The following IL1RAPL1 variants were observed in gnomAD, a reference collection of about 807,000 sequenced individuals.
IL1RAPL1 encodes interleukin 1 receptor accessory protein like 1, also known as interleukin-1 receptor accessory protein-like 1.
IL1RAPL1 carries 3 observed loss-of-function variants against 48.4 expected under a neutral mutation model. That is an observed-to-expected ratio of 0.06 (90% CI 0.03 to 0.16). The LOEUF is 0.16. Among genes scored for constraint, IL1RAPL1 ranks in the 10% least tolerant of loss-of-function variants. IL1RAPL1 has a pLI of 1.00. For synonymous variants in IL1RAPL1, 185 were observed against 187.7 expected, an observed-to-expected ratio of 0.99 and a Z score of 0.12; for missense variants, 349 against 530.6, an observed-to-expected ratio of 0.66 and a Z score of 3.36.
At chrX:28,771,953 A>G (rs987564751) in intron 1 of IL1RAPL1, among the ~76,000 whole-genome samples, 4 of 109,283 alleles carry the variant, frequency 3.7e-5, no homozygotes, top group Non-Finnish European at 5.7e-5. Flanking sequence ...AAAAAAAAAA[A>G]AAAAAAGAAA....
chrX:29,523,600 C>G (rs964299480), intron 5 of IL1RAPL1, among the ~76,000 whole-genome samples: 2 of 111,829 alleles, frequency 1.8e-5, no homozygotes, highest in African/African-American at 6.5e-5. Flanking sequence ...ATTATATACA[C>G]TTTTAAGGTT....
intron 3 of IL1RAPL1, among the ~76,000 whole-genome samples, chrX:29,296,124 C>T (rs1569279241): frequency 8.9e-6 from 1 of 111,885 alleles, no homozygotes; most frequent in Non-Finnish European, 1.9e-5. Context: ...CAGCCTGATC[C>T]CACAGGGAGC....
At chrX:29,035,580 G>T (rs904487143) in intron 2 of IL1RAPL1, among the ~76,000 whole-genome samples, 1 of 110,948 alleles carries the variant, frequency 9.0e-6, no homozygotes, top group Non-Finnish European at 1.9e-5. Context: ...AGTCAGAGCT[G>T]CAATGAGCCA....
intron 1 of IL1RAPL1, among the ~76,000 whole-genome samples, chrX:28,723,373 A>AT (rs1425323949): frequency 5.4e-5 from 6 of 111,009 alleles, no homozygotes; most frequent in African/African-American, 9.8e-5. Context: ...TTTCTAGCTT[A>AT]TTTGCATAGA....
At chrX:29,259,918 C>A (rs749373682) in intron 2 of IL1RAPL1, among the ~76,000 whole-genome samples, 6 of 111,270 alleles carry the variant, frequency 5.4e-5, no homozygotes, top group Non-Finnish European at 1.1e-4. Flanking sequence ...TGTAGACTAC[C>A]CCCCACCATT....
chrX:29,050,032 T>C (rs1232770390), intron 2 of IL1RAPL1, among the ~76,000 whole-genome samples: 1 of 112,024 alleles, frequency 8.9e-6, no homozygotes, highest in Non-Finnish European at 1.9e-5. Context: ...CCTTCACCTC[T>C]TTGGATCTGT....
At chrX:28,982,595 C>T (rs1000935007) in intron 2 of IL1RAPL1, among the ~76,000 whole-genome samples, 2 of 111,435 alleles carry the variant, frequency 1.8e-5, no homozygotes, top group Non-Finnish European at 1.9e-5. Flanking sequence ...TTATTTTTAA[C>T]GTTTTGCTTT....
At chrX:28,802,958 GC>G (rs1231946651) in intron 2 of IL1RAPL1, among the ~76,000 whole-genome samples, 1 of 110,841 alleles carries the variant, frequency 9.0e-6, no homozygotes, top group African/African-American at 3.3e-5. Flanking sequence ...ACATTTATTT[GC>G]CCTGATTTAT....
intron 2 of IL1RAPL1, among the ~76,000 whole-genome samples, chrX:29,053,282 T>C (rs902940854): frequency 1.8e-5 from 2 of 112,196 alleles, no homozygotes; most frequent in Admixed American, 1.9e-4. Flanking sequence ...CTACCATTGA[T>C]GGGCATTTAG....
chrX:29,448,855 G>T (rs763309589), intron 5 of IL1RAPL1, among the ~76,000 whole-genome samples: 1 of 111,465 alleles, frequency 9.0e-6, no homozygotes, highest in East Asian at 2.9e-4. Context: ...TGTGAGGGCT[G>T]GCTTCCTGGC....
intron 2 of IL1RAPL1, among the ~76,000 whole-genome samples, chrX:29,074,718 C>T (rs1927634214): frequency 8.9e-6 from 1 of 112,140 alleles, no homozygotes; most frequent in Non-Finnish European, 1.9e-5. Context: ...ATTTACCAAA[C>T]ATTACTAAGT....
intron 2 of IL1RAPL1, among the ~76,000 whole-genome samples, chrX:28,847,162 C>CCTT (rs1380297271): frequency 9.0e-6 from 1 of 110,742 alleles, no homozygotes; most frequent in Non-Finnish European, 1.9e-5. Context: ...CATGCCATAA[C>CCTT]CTTCATTCCT....
chrX:29,319,172 A>G (rs866994392), intron 3 of IL1RAPL1, among the ~76,000 whole-genome samples: 51 of 77,927 alleles, frequency 6.5e-4, no homozygotes, highest in Middle Eastern at 5.8e-3. Context: ...CTATCTATCT[A>G]TCTATCTATC....
intron 5 of IL1RAPL1, among the ~76,000 whole-genome samples, chrX:29,477,105 C>G (rs944564921): frequency 3.6e-5 from 4 of 109,698 alleles, no homozygotes; most frequent in African/African-American, 1.3e-4. Flanking sequence ...TGGTCTCGAT[C>G]CCATATTCTT....
At chrX:29,414,699 A>G (rs765471299) in intron 5 of IL1RAPL1, among the ~76,000 whole-genome samples, 10 of 112,074 alleles carry the variant, frequency 8.9e-5, no homozygotes, top group Non-Finnish European at 1.7e-4. Context: ...AAAATATCAT[A>G]TCAAAGATTT....
chrX:29,952,129 C>T (rs914882456), intron 9 of IL1RAPL1, among the ~76,000 whole-genome samples: 4 of 111,615 alleles, frequency 3.6e-5, no homozygotes, highest in Admixed American at 2.9e-4. Context: ...GTTTACATCT[C>T]GTCTGATTTC....
chrX:29,101,454 A>G (rs1290131135), intron 2 of IL1RAPL1, among the ~76,000 whole-genome samples: 1 of 111,196 alleles, frequency 9.0e-6, no homozygotes, highest in African/African-American at 3.3e-5. Context: ...TCCTAGTCAA[A>G]CTCTTCCCCA....
At chrX:28,742,603 G>C (rs781516372) in intron 1 of IL1RAPL1, among the ~76,000 whole-genome samples, 41 of 111,394 alleles carry the variant, frequency 3.7e-4, no homozygotes, top group African/African-American at 1.2e-3. Context: ...TTTTGGAGAA[G>C]AACAACAGAA....
intron 2 of IL1RAPL1, among the ~76,000 whole-genome samples, chrX:28,970,925 A>G (rs1925055009): frequency 9.0e-6 from 1 of 111,400 alleles, no homozygotes; most frequent in Non-Finnish European, 1.9e-5. Context: ...TTTCAGCCAC[A>G]TAATACCAGT....
Sources: allele counts gnomAD v4.1 joint callset (sites outside exome capture counted in the v4.1 genomes callset), GRCh38; gene constraint gnomAD v4.1.1; transcripts MANE v1.5; gene names NCBI Gene and HGNC (gene_info 2026-07-23, HGNC 2026-07-21).